SEC16A: variants seen among roughly 807,000 people sequenced by gnomAD.
SEC16A encodes protein transport protein Sec16A.
In SEC16A, 110 loss-of-function variants were observed where a neutral mutation model predicts 221.9. The ratio of observed to expected loss-of-function variants is 0.50; its 90% confidence interval spans 0.42 to 0.58. The LOEUF (loss-of-function observed/expected upper bound fraction) is 0.58. Ranked by LOEUF, SEC16A falls within the 20% of genes least tolerant of loss-of-function variation. The pLI is 0.00. For missense variants in SEC16A, 3,165 were observed against 3,097.8 expected (o/e 1.02, Z -0.52); for synonymous variants, 1,393 against 1,257.7 (o/e 1.11, Z -2.28).
Position 136,476,199 on chromosome 9 carries a change from T to C in SEC16A, c.1417A>G (p.Ser473Gly), listed in dbSNP as rs1841603454. 1.9e-6 allele frequency: 3 copies of C among 1,613,724 alleles called. No homozygotes were observed. Among genetic ancestry groups the C allele is most frequent in the African/African-American group, 1.3e-5 (1 of 74,922 alleles). The change falls in exon 3 of 32, where the codon AGT becomes GGT. Residue 473 changes from serine (S) to glycine (G), a missense_variant. By Grantham distance (56) the Ser-to-Gly change is moderately conservative. Transcript: ENST00000684901. ...GAAGGGTCCAAATTGAGGGGCTCAC[T>C]TGGCAGAACTTCTTGATTCTGAACA... ...EFVQNQEVLP[S>G]EPLNLDPSSP...
In SEC16A at chr9:136,440,958, A is replaced by G. The variant is rs1435718170; in HGVS notation, c.*797T>C. On this transcript the variant is annotated 3_prime_UTR_variant, in exon 32 of 32. Transcript: ENST00000684901. ...ATCACACGGTCAGTTTTCAACCTGG[A>G]TGACCACCCTGAGCCATCATGTCAG... The G allele has an allele frequency of 1.3e-5, 2 of 152,352 alleles. No homozygotes were observed. The highest frequency in any genetic ancestry group is 4.8e-5 in the African/African-American group (2 of 41,442). The allele number at this position is 152,352 out of a possible 1,614,324, so 9.4% of individuals were successfully genotyped here.
chr9:136,483,558 G>C (rs1349608642), upstream of SEC16A: 1 of 984,864 alleles, frequency 1.0e-6, no homozygotes, highest in African/African-American at 1.8e-5. Flanking sequence ...CGCCGGGGCC[G>C]TCCCAGTACG....
At chr9:136,464,975 G>A (rs1820617815) in intron 8 of SEC16A, among the ~76,000 whole-genome samples, 3 of 152,104 alleles carry the variant, frequency 2.0e-5, no homozygotes, top group Admixed American at 2.0e-4. Flanking sequence ...AAGAAAATAA[G>A]GAGCCAGGCA....
chr9:136,469,133 A>ACCCACAGTG (rs1486498653), intron 4 of SEC16A, among the ~76,000 whole-genome samples: 1 of 152,132 alleles, frequency 6.6e-6, no homozygotes, highest in African/African-American at 2.4e-5. Flanking sequence ...TGCAGGAGTG[A>ACCCACAGTG]CCCACAGTGC....
Position 136,476,197 on chromosome 9 carries a change from A to G in SEC16A, c.1419T>C (p.Ser473=). ...AGGAAGGGTCCAAATTGAGGGGCTCACTTGGCAGAACTTCTTGATTCTGAA... is the reference window on the plus strand; with the variant it reads ...AGGAAGGGTCCAAATTGAGGGGCTCGCTTGGCAGAACTTCTTGATTCTGAA... ...EFVQNQEVLP[S]EPLNLDPSSP... The change falls in exon 3 of 32, where the codon AGT becomes AGC. Residue 473 remains serine (S), a synonymous_variant. Transcript: ENST00000684901. 2 of 1,613,838 alleles carry G rather than the reference A, an allele frequency of 1.2e-6. No homozygotes were observed. The highest frequency in any genetic ancestry group is 8.5e-7 in the Non-Finnish European group (1 of 1,179,904).
rs1352345426 is a variant in SEC16A at position 136,474,886 on chromosome 9, A to C, written c.2730T>G (p.Gly910=). ...SSVAQSNFPQ[G]SGASEMVSNQ... is the part of the protein sequence containing the mutation. ...TAGAAACCATTTCGGAAGCACCAGA[A>C]CCTTGTGGAAAATTACTTTGGGCAA... is the stretch of plus-strand genomic sequence containing the variant. The change falls in exon 3 of 32, where the codon GGT becomes GGG. Residue 910 remains glycine (G), a synonymous_variant. Coordinates refer to ENST00000684901, the MANE Select transcript of SEC16A (RefSeq NM_014866.2). The C allele has an allele frequency of 6.2e-7, 1 of 1,613,864 alleles. No homozygotes were observed. The highest frequency in any genetic ancestry group is 8.5e-7 in the Non-Finnish European group (1 of 1,179,874).
rs147366418 is a variant in SEC16A, at chr9:136,456,745, G to A, written c.5551-579C>T. On this transcript the variant is annotated intron_variant, in intron 18 of 31. Coordinates refer to ENST00000684901, the MANE Select transcript of SEC16A (RefSeq NM_014866.2). Reference sequence around the variant, plus strand: ...CAACACGGGCGCCTCCCATACTCTCGTCAGTCATGCCGCCTCTGTTTTACA... The same window carrying A: ...CAACACGGGCGCCTCCCATACTCTCATCAGTCATGCCGCCTCTGTTTTACA... 5.3e-5 allele frequency among the ~76,000 whole-genome samples: 8 copies of A among 152,294 alleles called. No individual in the cohort carries two copies. The East Asian group carries it at 5.8e-4, about 11-fold the overall frequency.
At chr9:136,455,979 T>C in intron 19 of SEC16A, 74 bp downstream of exon 19, 2 of 1,307,004 alleles carry the variant, frequency 1.5e-6, no homozygotes, top group Non-Finnish European at 2.2e-6. Context: ...AGATACATAC[T>C]TTCAGTGTGG....
chr9:136,484,540 T>G (rs746208341), upstream of SEC16A: 1 of 1,297,668 alleles, frequency 7.7e-7, no homozygotes, highest in Non-Finnish European at 1.0e-6. Flanking sequence ...GCAGGCGCCG[T>G]GGTGGGGGTG....
chr9:136,462,655 C>T (rs1372991003), intron 12 of SEC16A, among the ~76,000 whole-genome samples: 1 of 152,216 alleles, frequency 6.6e-6, no homozygotes, highest in Non-Finnish European at 1.5e-5. Flanking sequence ...AAAATTTAAT[C>T]TGCAGGTCTC....
At chr9:136,445,559 G>T in intron 29 of SEC16A, 86 bp downstream of exon 29, 2 of 990,822 alleles carry the variant, frequency 2.0e-6, no homozygotes, top group Non-Finnish European at 3.0e-6. Context: ...ACCCAGTACC[G>T]CCCCTCCATA....
chr9:136,454,573 G>A (rs184363029), intron 20 of SEC16A, among the ~76,000 whole-genome samples: 56 of 152,234 alleles, frequency 3.7e-4, no homozygotes, highest in Admixed American at 1.8e-3. Flanking sequence ...AGCGGCACGC[G>A]GGCTCCAGGG....
At position 136,477,177 on chromosome 9, in the gene SEC16A, T is replaced by C; in HGVS notation, c.439A>G (p.Ser147Gly). The change falls in exon 3 of 32, where the codon AGT becomes GGT. Residue 147 changes from serine (S) to glycine (G), a missense_variant. By Grantham distance (56) the Ser-to-Gly change is moderately conservative (BLOSUM62 0). Coordinates refer to ENST00000684901, the MANE Select transcript of SEC16A (RefSeq NM_014866.2). Reference protein sequence around the residue: ...EMNRSAEVGPSSEPEVQTLPY... With the variant: ...EMNRSAEVGPGSEPEVQTLPY... ...AGAGTCTGAACTTCAGGCTCTGAAC[T>C]GGGACCGACCTCTGCACTCCTGTTC... The C allele has an allele frequency of 6.2e-7, 1 of 1,613,852 alleles. No homozygotes were observed. Among genetic ancestry groups the C allele is most frequent in the African/African-American group, 1.3e-5 (1 of 75,052 alleles).
rs370470033 is a variant in SEC16A at position 136,460,090 on chromosome 9, C to T, written c.5025G>A (p.Leu1675=). Residue 1675 remains leucine (L), a synonymous_variant, in exon 14 of 32, where the codon CTG becomes CTA. Coordinates refer to ENST00000684901, the MANE Select transcript of SEC16A (RefSeq NM_014866.2). Reference sequence around the variant, plus strand: ...CGGACATGAGCTGGTAGACTGTCTGCAGAGGGTCGTTGATTGGGAGGCTGT... The same window carrying T: ...CGGACATGAGCTGGTAGACTGTCTGTAGAGGGTCGTTGATTGGGAGGCTGT... ...FANSLPINDP[L]QTVYQLMSGR... 1.7e-5 allele frequency: 27 copies of T among 1,607,930 alleles called. No individual in the cohort carries two copies. The highest frequency in any genetic ancestry group is 2.1e-5 in the Non-Finnish European group (25 of 1,177,200).
In SEC16A at chr9:136,464,372, C is replaced by A. The variant is rs376166581; in HGVS notation, c.4446+48G>T. 19 of 1,544,506 alleles carry A rather than the reference C, an allele frequency of 1.2e-5. No homozygotes were observed. The African/African-American group carries it at 2.2e-4, about 18-fold the overall frequency. The stretch of plus-strand genomic sequence containing the variant: ...ATGACAAACTGCAAAGCAGAGAGTT[C>A]CCCAGGGCAGCAGAGCAGTGACGCC... On this transcript the variant is annotated intron_variant, in intron 9 of 31. Coordinates refer to ENST00000684901, the MANE Select transcript of SEC16A (RefSeq NM_014866.2).
chr9:136,442,706 G>C (rs1252719492), intron 31 of SEC16A, among the ~76,000 whole-genome samples: 1 of 152,250 alleles, frequency 6.6e-6, no homozygotes, highest in Non-Finnish European at 1.5e-5. Flanking sequence ...AACGGACCCT[G>C]AAAGGGGCTG....
chr9:136,461,161 C>T lies in SEC16A; in HGVS notation c.4991+16G>A. 6.3e-7 allele frequency: 1 copy of T among 1,583,838 alleles called. No homozygotes were observed. The highest frequency in any genetic ancestry group is 1.1e-5 in the South Asian group (1 of 87,150). ...AGCAGGGCTCGCCACTGGACCAGGCCACTGTGGGACTGTACCTGGTCATGA... is the reference window on the plus strand; with the variant it reads ...AGCAGGGCTCGCCACTGGACCAGGCTACTGTGGGACTGTACCTGGTCATGA... On this transcript the variant is annotated intron_variant, in intron 13 of 31. Transcript: ENST00000684901.
Position 136,475,017 on chromosome 9 carries a change from T to C in SEC16A, c.2599A>G (p.Arg867Gly), listed in dbSNP as rs1841433032. 1 of 1,613,620 alleles carries C rather than the reference T, an allele frequency of 6.2e-7. No individual in the cohort carries two copies. Among genetic ancestry groups the C allele is most frequent in the Non-Finnish European group, 8.5e-7 (1 of 1,179,880 alleles). ...QSWREALVGD[R>G]PAVSSWALGG... Reference sequence around the variant, plus strand: ...AGAGCCCAACTGCTGACTGCAGGTCTATCCCCCACCAAAGCCTCTCTCCAG... The same window carrying C: ...AGAGCCCAACTGCTGACTGCAGGTCCATCCCCCACCAAAGCCTCTCTCCAG... Residue 867 changes from arginine to glycine, a missense_variant, in exon 3 of 32, where the codon AGA (arginine) becomes GGA (glycine). Arg to Gly is a moderately radical substitution (Grantham distance 125, BLOSUM62 -2). Transcript: ENST00000684901. The surrounding 1 kb of genome is among the most constrained non-coding windows in gnomAD (Gnocchi z 5.0).
chr9:136,464,848 C>T (rs1178301713), intron 8 of SEC16A, among the ~76,000 whole-genome samples: 1 of 152,212 alleles, frequency 6.6e-6, no homozygotes, highest in Non-Finnish European at 1.5e-5. Context: ...TGCCACGGTG[C>T]GTAATCCTCC....
Sources: gnomAD v4.1 joint callset for allele counts (sites outside exome capture counted in the v4.1 genomes callset) on GRCh38, gnomAD v4.1.1 for gene constraint, Gnocchi (gnomAD v3.1) non-coding constraint, MANE v1.5 for transcripts, NCBI Gene and HGNC (gene_info 2026-07-23, HGNC 2026-07-21) for gene names.